Variants in TLE2 observed in about 807,000 individuals in gnomAD.
TLE2 encodes transducin-like enhancer protein 2.
TLE2 carries 74 observed loss-of-function variants against 97.2 expected under a neutral mutation model. The observed-to-expected ratio is 0.76, with a 90% CI of 0.63 to 0.92. The LOEUF (loss-of-function observed/expected upper bound fraction) is 0.92. Among genes scored for constraint, TLE2 ranks in the 40% least tolerant of loss-of-function variants. TLE2 has a pLI of 0.00. For synonymous variants in TLE2, 499 were observed against 432.1 expected (o/e 1.15, Z -1.92); for missense variants, 1,038 against 1,008.7 (o/e 1.03, Z -0.39).
chr19:2,998,260 T>TGTGTGTGA (rs1210585511), intron 19 of TLE2, among the ~76,000 whole-genome samples: 1 of 126,184 alleles, frequency 7.9e-6, no homozygotes, highest in African/African-American at 3.2e-5. Context: ...TGTGTGTGTG[T>TGTGTGTGA]GTGTGTGTGT....
chr19:3,018,654 AC>A (rs1956319169), intron 7 of TLE2, among the ~76,000 whole-genome samples: 2 of 143,972 alleles, frequency 1.4e-5, no homozygotes, highest in African/African-American at 5.2e-5. Flanking sequence ...TCACTCTCTC[AC>A]TCAGGCTGGA....
upstream of TLE2, among the ~76,000 whole-genome samples, chr19:3,033,044 T>C (rs1164112084): frequency 6.7e-6 from 1 of 148,808 alleles, no homozygotes; most frequent in African/African-American, 2.5e-5. Flanking sequence ...AGCGATTCTC[T>C]TGCCTCAGCC....
chr19:3,024,315 T>C (rs7254661), intron 5 of TLE2, among the ~76,000 whole-genome samples: 75,378 of 151,674 alleles, frequency 0.5, 19,893 homozygotes, highest in African/African-American at 0.69. Flanking sequence ...CGAATTACAG[T>C]CCATTTTAAC....
chr19:3,009,887 C>CTTTTTTT lies in TLE2; in HGVS notation c.1013-192_1013-186dup, dbSNP rs1555691086. On this transcript the variant is annotated intron_variant, in intron 12 of 19. Coordinates refer to ENST00000262953, the MANE Select transcript of TLE2 (RefSeq NM_003260.5). ...CCAGTGGACACGACTTTCTCTCTCT[C>CTTTTTTT]TTTTTTTCTTTTGTTTGAGATGGAA... Among the ~76,000 whole-genome samples, 430 of 148,500 alleles carry CTTTTTTT rather than the reference C, an allele frequency of 2.9e-3. 4 individuals carry two copies. The highest frequency in any genetic ancestry group is 0.016 in the South Asian group (74 of 4,664).
At chr19:3,026,363 G>C (rs113620466) in intron 4 of TLE2, among the ~76,000 whole-genome samples, 1 of 151,414 alleles carries the variant, frequency 6.6e-6, no homozygotes, top group African/African-American at 2.4e-5. Flanking sequence ...CAGGAGAGGC[G>C]CTTGCACTCA....
chr19:3,020,814 G>C (rs578127529), intron 5 of TLE2, among the ~76,000 whole-genome samples: 1 of 152,054 alleles, frequency 6.6e-6, no homozygotes, highest in Admixed American at 6.6e-5. Flanking sequence ...AGCCGGGCGC[G>C]GCGGCTCATG....
intron 19 of TLE2, among the ~76,000 whole-genome samples, chr19:2,999,503 G>A (rs1450873677): frequency 1.3e-5 from 2 of 149,836 alleles, no homozygotes; most frequent in Non-Finnish European, 3.0e-5. Context: ...CAAGGCGGGT[G>A]GATCATGAGG....
At chr19:3,030,250 G>A (rs528200485), upstream of TLE2, among the ~76,000 whole-genome samples, 3 of 152,288 alleles carry the variant, frequency 2.0e-5, no homozygotes, top group Middle Eastern at 3.4e-3. Flanking sequence ...GGCAGGAGCC[G>A]TGTCCCACTC....
intron 3 of TLE2, 54 bp downstream of exon 3, chr19:3,028,265 G>A (rs1429173838): frequency 1.3e-6 from 2 of 1,547,282 alleles, no homozygotes. Flanking sequence ...AGTCCACCGT[G>A]ACTCAAAGCC....
Position 3,000,713 on chromosome 19 carries a change from A to G in TLE2, c.2058T>C (p.Phe686=), listed in dbSNP as rs770605624. 4.4e-6 allele frequency: 7 copies of G among 1,587,142 alleles called. No individual in the cohort carries two copies. The highest frequency in any genetic ancestry group is 2.6e-6 in the Non-Finnish European group (3 of 1,167,198). Reference sequence around the variant, plus strand: ...GCAGGTTGTCCTTCCCGGTGCTCACAAACCACCGTCCTTGGGGAAGGAGAG... The same window carrying G: ...GCAGGTTGTCCTTCCCGGTGCTCACGAACCACCGTCCTTGGGGAAGGAGAG... ...SLKFASCGRW[F]VSTGKDNLLN... is the part of the protein sequence containing the mutation. Residue 686 remains phenylalanine (F), a synonymous_variant, in exon 19 of 20, where the codon TTT becomes TTC. Transcript: ENST00000262953.
At chr19:3,000,593 G>A in intron 19 of TLE2, 54 bp downstream of exon 19, 2 of 1,506,666 alleles carry the variant, frequency 1.3e-6, no homozygotes, top group Non-Finnish European at 1.8e-6. Flanking sequence ...GTCTGACCCT[G>A]GCATACCCGG....
At chr19:3,013,988 A>AT (rs35309457) in intron 10 of TLE2, among the ~76,000 whole-genome samples, 170 bp from the exon 11 acceptor site, 8,258 of 145,844 alleles carry the variant, frequency 0.057, 394 homozygotes, top group African/African-American at 0.13. Context: ...TGTAAAATGT[A>AT]TTTTTTTTTT....
intron 17 of TLE2, 21 bp from the exon 18 acceptor site, chr19:3,002,524 G>C: frequency 6.5e-7 from 1 of 1,548,900 alleles, no homozygotes; most frequent in Non-Finnish European, 8.7e-7. Context: ...AGAGGGAAGA[G>C]ATGGGGTCAC....
Position 3,025,099 on chromosome 19 carries a change from A to G in TLE2, c.232-17T>C. On this transcript the variant is annotated splice_polypyrimidine_tract_variant and intron_variant, in intron 4 of 19. Coordinates refer to ENST00000262953, the MANE Select transcript of TLE2 (RefSeq NM_003260.5). ...AATCTCCGCCTGGCAGGAAGCAATG[A>G]GAGGAAGCTTGGAGCGGGGTAGAGA... The G allele has an allele frequency of 6.3e-7, 1 of 1,599,196 alleles. No individual in the cohort carries two copies. The highest frequency in any genetic ancestry group is 8.5e-7 in the Non-Finnish European group (1 of 1,173,232).
intron 11 of TLE2, among the ~76,000 whole-genome samples, chr19:3,012,953 C>T (rs1011112749): frequency 6.6e-6 from 1 of 152,096 alleles, no homozygotes; most frequent in African/African-American, 2.4e-5. Context: ...TGACCCATCC[C>T]CTTGTAAGGT....
At chr19:3,009,887 C>CTCTTTTTTTTTT in intron 12 of TLE2, among the ~76,000 whole-genome samples, 185 bp from the exon 13 acceptor site, 1 of 148,522 alleles carries the variant, frequency 6.7e-6, no homozygotes, top group African/African-American at 2.5e-5. Context: ...TTCTCTCTCT[C>CTCTTTTTTTTTT]TTTTTTTCTT....
In TLE2 at chr19:2,997,962, A is replaced by G. The variant is rs776670491; in HGVS notation, c.2125-7T>C. Reference sequence around the variant, plus strand: ...CTGAGGACGACTCCTTGGACTGCCAAGGGAAGGGAGAGAGAAAAGGGCACA... The same window carrying G: ...CTGAGGACGACTCCTTGGACTGCCAGGGGAAGGGAGAGAGAAAAGGGCACA... On this transcript the variant is annotated splice_polypyrimidine_tract_variant and splice_region_variant and intron_variant, in intron 19 of 19. Coordinates refer to ENST00000262953, the MANE Select transcript of TLE2 (RefSeq NM_003260.5). The G allele has an allele frequency of 3.2e-5, 52 of 1,603,288 alleles. No individual in the cohort carries two copies. The highest frequency in any genetic ancestry group is 8.9e-5 in the South Asian group (8 of 89,674).
chr19:3,006,066 T>C (rs767627130), intron 15 of TLE2, 98 bp from the exon 16 acceptor site: 21 of 1,421,772 alleles, frequency 1.5e-5, no homozygotes, highest in Non-Finnish European at 2.0e-5. Flanking sequence ...CAATGTAGCC[T>C]CATCCTGATT....
intron 1 of TLE2, among the ~76,000 whole-genome samples, chr19:3,041,014 T>TATATATATATATGTATATA (rs55998855): frequency 9.9e-5 from 2 of 20,162 alleles, no homozygotes; most frequent in Non-Finnish European, 1.7e-4. Flanking sequence ...TATATATATA[T>TATATATATATATGTATATA]TTTTTTTTTT....
Sources: gnomAD v4.1 joint callset for allele counts (sites outside exome capture counted in the v4.1 genomes callset) on GRCh38, gnomAD v4.1.1 for gene constraint, MANE v1.5 for transcripts, NCBI Gene and HGNC (gene_info 2026-07-23, HGNC 2026-07-21) for gene names.